Variants in FLCN observed in about 807,000 individuals in gnomAD.
FLCN encodes the protein BHD skin lesion fibrofolliculoma protein.
In FLCN, 22 loss-of-function variants were observed where a neutral mutation model predicts 62.5. The ratio of observed to expected loss-of-function variants is 0.35; its 90% confidence interval spans 0.25 to 0.50. FLCN has a LOEUF of 0.50. Ranked by LOEUF, FLCN falls within the 20% of genes least tolerant of loss-of-function variation. The pLI is 0.97. For synonymous variants in FLCN, 319 were observed against 310.0 expected, an observed-to-expected ratio of 1.03 and a Z score of -0.30; for missense variants, 657 against 778.0, an observed-to-expected ratio of 0.84 and a Z score of 1.85.
intron 1 of FLCN, among the ~76,000 whole-genome samples, chr17:17,233,347 C>T (rs34518797): frequency 0.21 from 31,179 of 151,772 alleles, 3,304 homozygotes; most frequent in Middle Eastern, 0.26. Context: ...CCTGTAACCC[C>T]GGCACTTTGG....
intron 1 of FLCN, among the ~76,000 whole-genome samples, chr17:17,233,521 C>G (rs1393306987): frequency 6.9e-6 from 1 of 144,974 alleles, no homozygotes; most frequent in East Asian, 2.1e-4. Context: ...ATGGCGTGAA[C>G]CTGAGACGCA....
chr17:17,235,225 A>G (rs970375430), intron 1 of FLCN, among the ~76,000 whole-genome samples: 2 of 151,926 alleles, frequency 1.3e-5, no homozygotes, highest in East Asian at 1.9e-4. Flanking sequence ...GGTTGCAGTG[A>G]GCTGAGATCG....
At chr17:17,217,438 A>C (rs2046960001) in intron 9 of FLCN, 1 of 545,902 alleles carries the variant, frequency 1.8e-6, no homozygotes, top group Non-Finnish European at 3.3e-6. Flanking sequence ...GTTTTTAAAA[A>C]TTTGAAGCAA....
intron 1 of FLCN, chr17:17,235,899 T>C (rs1172845592): frequency 6.6e-6 from 1 of 152,124 alleles, no homozygotes; most frequent in African/African-American, 2.4e-5. Context: ...AAAGACAGTA[T>C]TCAAATTCCC....
At chr17:17,221,280 G>C (rs2144924471) in intron 8 of FLCN, 4 of 1,547,466 alleles carry the variant, frequency 2.6e-6, no homozygotes, top group South Asian at 1.2e-5. Context: ...TCTCTCTACA[G>C]ACAGCCCACC....
chr17:17,222,819 T>G, intron 6 of FLCN, 158 bp from the exon 7 acceptor site: 3 of 805,826 alleles, frequency 3.7e-6, no homozygotes, highest in South Asian at 1.5e-5. Context: ...AGTCCAATCA[T>G]TCCCAACAGC....
In FLCN at chr17:17,234,700, G is replaced by A. The variant is rs113630550; in HGVS notation, c.-227-1799C>T. The stretch of plus-strand genomic sequence containing the variant: ...CTCTACTAAAAATAGAAAAATTGCC[G>A]GGTGTGGTGGCTCATGCTTGTAATC... On this transcript the variant is annotated intron_variant, in intron 1 of 13. Coordinates refer to ENST00000285071, the MANE Select transcript of FLCN (RefSeq NM_144997.7). Among the ~76,000 whole-genome samples the A allele has an allele frequency of 5.2e-3, 791 of 151,496 alleles. 7 individuals carry two copies. Among genetic ancestry groups the A allele is most frequent in the African/African-American group, 0.018 (746 of 41,344 alleles).
intron 1 of FLCN, among the ~76,000 whole-genome samples, chr17:17,234,941 CT>C (rs1827261663): frequency 6.6e-6 from 1 of 152,052 alleles, no homozygotes; most frequent in African/African-American, 2.4e-5. Context: ...GAAACCCCGT[CT>C]CTACTAAAAA....
chr17:17,232,573 A>G (rs2047456260), intron 2 of FLCN, among the ~76,000 whole-genome samples: 1 of 152,170 alleles, frequency 6.6e-6, no homozygotes, highest in African/African-American at 2.4e-5. Flanking sequence ...GTGGCTTAAA[A>G]ATCTACTGCT....
In FLCN at chr17:17,213,796, C is replaced by T. The variant is rs190965235; in HGVS notation, c.1599G>A (p.Gln533=). 6.2e-7 allele frequency: 1 copy of T among 1,614,248 alleles called. No homozygotes were observed. The highest frequency in any genetic ancestry group is 8.5e-7 in the Non-Finnish European group (1 of 1,180,040). Reference sequence around the variant, plus strand: ...ACGCACCCAGGATGCTCAGCAGCTTCTGTGTGTCCTCTTTGGGTCGACTGT... The same window carrying T: ...ACGCACCCAGGATGCTCAGCAGCTTTTGTGTGTCCTCTTTGGGTCGACTGT... ...KVDSRPKEDT[Q]KLLSILGASE... is the part of the protein sequence containing the mutation. The change falls in exon 14 of 14, where the codon CAG becomes CAA. Residue 533 remains glutamine (Q), a synonymous_variant. Coordinates refer to ENST00000285071, the MANE Select transcript of FLCN (RefSeq NM_144997.7).
chr17:17,217,273 T>G (rs1213575072), intron 9 of FLCN, 91 bp from the exon 10 acceptor site: 8 of 915,454 alleles, frequency 8.7e-6, no homozygotes, highest in Non-Finnish European at 1.2e-5. Flanking sequence ...TCATAAAACT[T>G]TGTAGAGCAA....
chr17:17,236,964 C>CTCGGCA lies in FLCN; in HGVS notation c.-281_-280insTGCCGA, dbSNP rs2047598870. On this transcript the variant is annotated 5_prime_UTR_variant, in exon 1 of 14. Coordinates refer to ENST00000285071, the MANE Select transcript of FLCN (RefSeq NM_144997.7). The stretch of plus-strand genomic sequence containing the variant: ...CACCTGGACTCGGCAGCCGGGGTCC[C>CTCGGCA]GCTCTGGGTCCCAGCCCCGCCCCTG... 6.6e-6 allele frequency: 1 copy of CTCGGCA among 152,170 alleles called. No homozygotes were observed. The highest frequency in any genetic ancestry group is 2.4e-5 in the African/African-American group (1 of 41,374). The allele number at this position is 152,170 out of a possible 1,614,324, so 9.4% of individuals were successfully genotyped here.
rs1320933280 is a variant in FLCN, at chr17:17,223,931, C to T, written c.609G>A (p.Lys203=). ...VRGIIDELQG[K]ALKVFEAEQF... ...TCATCTCTGAATTCACCTTGAGCGC[C>T]TTGCCCTGGAGCTCATCGATGATTC... Residue 203 remains lysine, a synonymous_variant, in exon 6 of 14, where the codon AAG becomes AAA. Transcript: ENST00000285071. 1 of 1,613,354 alleles carries T rather than the reference C, an allele frequency of 6.2e-7. No homozygotes were observed. The highest frequency in any genetic ancestry group is 1.7e-5 in the Admixed American group (1 of 60,028).
chr17:17,213,582 G>C lies in FLCN; in HGVS notation c.*73C>G. 3 of 1,587,698 alleles carry C rather than the reference G, an allele frequency of 1.9e-6. No individual in the cohort carries two copies. The Admixed American group carries it at 5.0e-5, about 27-fold the overall frequency. ...CTTCCAGCAGTTGAGAAACTCAAGG[G>C]ACAGTCCCTCTCACGGGGCTGGAGG... is the stretch of plus-strand genomic sequence containing the variant. On this transcript the variant is annotated 3_prime_UTR_variant, in exon 14 of 14. Transcript: ENST00000285071.
Position 17,215,024 on chromosome 17 carries a change from A to C in FLCN, c.1499T>G (p.Val500Gly). The change falls in exon 13 of 14, where the codon GTG becomes GGG. Residue 500 changes from valine to glycine, a missense_variant. By Grantham distance (109) the Val-to-Gly change is moderately radical (BLOSUM62 -3). Transcript: ENST00000285071. ...LTNQNLSVDV[V>G]DQCLVCLKEE... ...CTTGAGGCAGACGAGGCACTGGTCCACCACATCCACAGACAGGTTCTGGTT... is the reference window on the plus strand; with the variant it reads ...CTTGAGGCAGACGAGGCACTGGTCCCCCACATCCACAGACAGGTTCTGGTT... 1.2e-6 allele frequency: 2 copies of C among 1,614,194 alleles called. No individual in the cohort carries two copies. Among genetic ancestry groups the C allele is most frequent in the Non-Finnish European group, 1.7e-6 (2 of 1,180,032 alleles).
chr17:17,214,306 A>ACC (rs1567805930), intron 13 of FLCN, among the ~76,000 whole-genome samples: 1 of 148,298 alleles, frequency 6.7e-6, no homozygotes, highest in African/African-American at 2.6e-5. Context: ...AAAAAAAAAA[A>ACC]CCCGGGGGGC....
rs1479341645 is a variant in FLCN, at chr17:17,224,083, T to C, written c.457A>G (p.Ser153Gly). 3 of 1,613,022 alleles carry C rather than the reference T, an allele frequency of 1.9e-6. No individual in the cohort carries two copies. Among genetic ancestry groups the C allele is most frequent in the Admixed American group, 1.7e-5 (1 of 59,860 alleles). Residue 153 changes from serine to glycine, a missense_variant, in exon 6 of 14, where the codon AGC (serine) becomes GGC (glycine). Physicochemically the swap from Ser to Gly is moderately conservative, Grantham distance 56. Coordinates refer to ENST00000285071, the MANE Select transcript of FLCN (RefSeq NM_144997.7). ...FGDEQHGFVF[S>G]HTFFIKDSLA... ...CTGTCCTTGATGAAGAAGGTGTGGC[T>C]GAACACAAAGCCGTGCTGCTCATCT...
At chr17:17,221,167 G>T in intron 8 of FLCN, 1 of 1,450,162 alleles carries the variant, frequency 6.9e-7, no homozygotes, top group Non-Finnish European at 9.1e-7. Flanking sequence ...AACTTGGGAC[G>T]AACTGAAACA....
In FLCN at chr17:17,224,131, G is replaced by A. The variant is rs1597607464; in HGVS notation, c.409C>T (p.Arg137Cys). ...RSLSCEVCPG[R>C]EGPIFFGDEQ... ...TCTCCGAAGAAGATGGGGCCTTCAC[G>A]GCCAGGGCAGACCTGGAGGGACACC... The change falls in exon 6 of 14, where the codon CGT (arginine) becomes TGT (cysteine). Residue 137 changes from arginine (R) to cysteine (C), a missense_variant. Coordinates refer to ENST00000285071, the MANE Select transcript of FLCN (RefSeq NM_144997.7). The A allele has an allele frequency of 2.5e-6, 4 of 1,590,618 alleles. No homozygotes were observed. The highest frequency in any genetic ancestry group is 2.6e-6 in the Non-Finnish European group (3 of 1,168,102).
Sources: allele counts gnomAD v4.1 joint callset (sites outside exome capture counted in the v4.1 genomes callset), GRCh38; gene constraint gnomAD v4.1.1; transcripts MANE v1.5; gene names NCBI Gene and HGNC (gene_info 2026-07-23, HGNC 2026-07-21).